ZFHX3: variants seen among roughly 807,000 people sequenced by gnomAD.
The protein encoded by ZFHX3 is zinc finger homeobox 3, also known as zinc finger homeobox protein 3.
A neutral mutation model predicts 279.1 loss-of-function variants in ZFHX3; 42 were observed. The observed-to-expected ratio is 0.15, with a 90% CI of 0.12 to 0.19. The LOEUF is 0.19. ZFHX3 is among the 10% of genes least tolerant of loss of function. ZFHX3 has a pLI of 1.00. For synonymous variants in ZFHX3, 2,293 were observed against 1,957.8 expected (o/e 1.17, Z -4.52); for missense variants, 4,981 against 4,754.0 (o/e 1.05, Z -1.40).
intron 4 of ZFHX3, among the ~76,000 whole-genome samples, chr16:73,274,060 C>A (rs1437954437): frequency 1.3e-5 from 2 of 152,186 alleles, no homozygotes; most frequent in African/African-American, 2.4e-5. Flanking sequence ...AGGAGAATCA[C>A]TTGAACCCAG....
chr16:73,711,546 A>G (rs984155798), intron 1 of ZFHX3, among the ~76,000 whole-genome samples: 5 of 152,132 alleles, frequency 3.3e-5, no homozygotes, highest in African/African-American at 1.2e-4. Flanking sequence ...GACAGAGCCA[A>G]GGGGTCACCA....
At chr16:73,889,127 C>A (rs1486453102) in intron 1 of ZFHX3, among the ~76,000 whole-genome samples, 2 of 152,138 alleles carry the variant, frequency 1.3e-5, no homozygotes, top group African/African-American at 4.8e-5. Context: ...AATCCTCATC[C>A]CTGCCTTTCT....
chr16:73,329,472 G>C (rs946897231), intron 3 of ZFHX3, among the ~76,000 whole-genome samples: 2 of 152,236 alleles, frequency 1.3e-5, no homozygotes, highest in African/African-American at 4.8e-5. Flanking sequence ...TGCCTCGACC[G>C]GCGGAGCCAG....
At chr16:72,989,650 G>A (rs530936617) in intron 1 of ZFHX3, among the ~76,000 whole-genome samples, 1 of 152,254 alleles carries the variant, frequency 6.6e-6, no homozygotes, top group Admixed American at 6.5e-5. Flanking sequence ...TCTTTCCAGG[G>A]CAGAAGGAAG....
At chr16:72,883,619 T>C (rs2038550620) in intron 4 of ZFHX3, among the ~76,000 whole-genome samples, 1 of 152,236 alleles carries the variant, frequency 6.6e-6, no homozygotes, top group Non-Finnish European at 1.5e-5. Context: ...ATGTTCTCTT[T>C]TCATGTTCAT....
intron 1 of ZFHX3, among the ~76,000 whole-genome samples, chr16:73,861,359 A>C (rs2142390208): frequency 6.6e-6 from 1 of 152,286 alleles, no homozygotes; most frequent in Admixed American, 6.5e-5. Flanking sequence ...CTCCTGAGAC[A>C]ATCTCCAAAG....
intron 8 of ZFHX3, among the ~76,000 whole-genome samples, chr16:73,066,669 C>T (rs1965757986): frequency 6.6e-6 from 1 of 152,160 alleles, no homozygotes; most frequent in Admixed American, 6.5e-5. Context: ...CCACGAGGCC[C>T]GGGGGACCGC....
chr16:73,471,822 C>G (rs997735808), intron 2 of ZFHX3, among the ~76,000 whole-genome samples: 2 of 152,178 alleles, frequency 1.3e-5, no homozygotes, highest in Non-Finnish European at 2.9e-5. Flanking sequence ...AATGAGGAAG[C>G]TGCTTGAATC....
chr16:73,528,106 G>A (rs1160902130), intron 2 of ZFHX3, among the ~76,000 whole-genome samples: 1 of 152,186 alleles, frequency 6.6e-6, no homozygotes, highest in Non-Finnish European at 1.5e-5. Flanking sequence ...TCTAAAATGG[G>A]AGCGGCCTCC....
At chr16:73,412,441 C>T (rs527598213) in intron 3 of ZFHX3, among the ~76,000 whole-genome samples, 2 of 152,236 alleles carry the variant, frequency 1.3e-5, no homozygotes, top group South Asian at 2.1e-4. Flanking sequence ...AGACCAGACC[C>T]TTGCTCAGTT....
intron 1 of ZFHX3, among the ~76,000 whole-genome samples, chr16:73,806,305 C>A (rs1960274721): frequency 6.6e-6 from 1 of 152,172 alleles, no homozygotes; most frequent in South Asian, 2.1e-4. Flanking sequence ...GAGGCAAGAG[C>A]AAGTGCAAAG....
At chr16:73,673,446 C>A (rs1035923366) in intron 2 of ZFHX3, among the ~76,000 whole-genome samples, 1 of 151,996 alleles carries the variant, frequency 6.6e-6, no homozygotes, top group African/African-American at 2.4e-5. Flanking sequence ...TTATATTTAT[C>A]CTGCTGTTAA....
intron 6 of ZFHX3, chr16:73,134,680 C>T (rs1034719204): frequency 1.3e-5 from 2 of 151,880 alleles, no homozygotes; most frequent in Non-Finnish European, 2.9e-5. Context: ...TGAGACAGTA[C>T]CCACTGTGGG....
intron 1 of ZFHX3, among the ~76,000 whole-genome samples, chr16:73,787,217 G>C (rs1475060508): frequency 6.6e-6 from 1 of 152,080 alleles, no homozygotes; most frequent in African/African-American, 2.4e-5. Context: ...TATCATTGGG[G>C]TGTTTCCTCT....
intron 3 of ZFHX3, among the ~76,000 whole-genome samples, chr16:73,422,533 CAA>C (rs1228579171): frequency 1.3e-5 from 2 of 152,180 alleles, no homozygotes; most frequent in Admixed American, 6.5e-5. Context: ...TTCCCCAAAT[CAA>C]AGTCATTTTT....
chr16:73,519,723 G>A (rs1478357516), intron 2 of ZFHX3, among the ~76,000 whole-genome samples: 1 of 152,078 alleles, frequency 6.6e-6, no homozygotes, highest in Non-Finnish European at 1.5e-5. Flanking sequence ...CTCCTGTTAG[G>A]AGTACTCCCA....
At position 72,788,664 on chromosome 16, in the gene ZFHX3, TTGC is replaced by T. The variant is rs376311468; in HGVS notation, c.9609_9611del (p.Gln3204del). The T allele has an allele frequency of 5.7e-4, 914 of 1,599,112 alleles. No homozygotes were observed. Among genetic ancestry groups the T allele is most frequent in the Middle Eastern group, 1.0e-3 (6 of 6,004 alleles). On this transcript the variant is annotated inframe_deletion, in exon 10 of 10. Transcript: ENST00000268489. ...GCGGGGGAGGCTGCTGCACCTGTGG[TTGC>T]TGCTGCTGCTGCTGCTGCTGGGGGG...
intron 5 of ZFHX3, among the ~76,000 whole-genome samples, chr16:73,198,430 G>T (rs971122049): frequency 6.8e-6 from 1 of 147,936 alleles, no homozygotes; most frequent in Admixed American, 6.9e-5. Flanking sequence ...CTTATTTTAT[G>T]CAGAAAGGTA....
chr16:73,566,559 T>C (rs2020453055), intron 2 of ZFHX3, among the ~76,000 whole-genome samples: 1 of 152,196 alleles, frequency 6.6e-6, no homozygotes, highest in African/African-American at 2.4e-5. Context: ...TGCTTTTATG[T>C]GGTTTTCCCC....
Sources: gnomAD v4.1 joint callset for allele counts (sites outside exome capture counted in the v4.1 genomes callset) on GRCh38, gnomAD v4.1.1 for gene constraint, MANE v1.5 for transcripts, NCBI Gene and HGNC (gene_info 2026-07-23, HGNC 2026-07-21) for gene names.